AHNAK2: variants seen among roughly 807,000 people sequenced by gnomAD.
AHNAK2 encodes the protein AHNAK nucleoprotein 2.
AHNAK2 carries 18 observed loss-of-function variants against 30.7 expected under a neutral mutation model. That is an observed-to-expected ratio of 0.59 (90% CI 0.41 to 0.87). AHNAK2 has a LOEUF of 0.87. Ranked by LOEUF, AHNAK2 falls within the 40% of genes least tolerant of loss-of-function variation. The pLI is 0.00. For synonymous variants in AHNAK2, 3,590 were observed against 3,073.8 expected, an observed-to-expected ratio of 1.17 and a Z score of -5.56; for missense variants, 8,604 against 7,373.0, an observed-to-expected ratio of 1.17 and a Z score of -6.11.
rs532552317 is a variant in AHNAK2 at position 104,953,362 on chromosome 14, A to T, written c.2089T>A (p.Ser697Thr). 35 of 1,613,588 alleles carry T rather than the reference A, an allele frequency of 2.2e-5. No homozygotes were observed. In the African/African-American group the frequency reaches 4.3e-4, roughly 20 times the overall value. Residue 697 changes from serine (S) to threonine (T), a missense_variant, in exon 7 of 7, where the codon TCG becomes ACG. Coordinates refer to ENST00000333244, the MANE Select transcript of AHNAK2 (RefSeq NM_138420.4). ...ASAPGKSMEA[S>T]VDVSAPKVEA... ...ACCTTCGGCGCAGACACATCCACCG[A>T]GGCCTCCATGGACTTGCCTGGGGCT...
rs1299550813 is a variant in AHNAK2, at chr14:104,952,222, G to A, written c.3229C>T (p.Leu1077Phe). The change falls in exon 7 of 7, where the codon CTT becomes TTT. Residue 1077 changes from leucine to phenylalanine, a missense_variant. Transcript: ENST00000333244. ...TCCACCTTGGGCAAGTGCCCTTTAAGGCCAGCTCCCTCGGGCAGGTGGCCC... is the reference window on the plus strand; with the variant it reads ...TCCACCTTGGGCAAGTGCCCTTTAAAGCCAGCTCCCTCGGGCAGGTGGCCC... ...PEGHLPEGAGLKGHLPKVEMP... is the reference protein window; with the variant it reads ...PEGHLPEGAGFKGHLPKVEMP... The A allele has an allele frequency of 1.4e-5, 22 of 1,612,174 alleles. No homozygotes were observed. Among genetic ancestry groups the A allele is most frequent in the Middle Eastern group, 3.3e-4 (2 of 6,056 alleles).
At position 104,952,368 on chromosome 14, in the gene AHNAK2, A is replaced by C; in HGVS notation, c.3083T>G (p.Val1028Gly). ...KALVDVSAPK[V>G]EADLSLPSMQ... The stretch of plus-strand genomic sequence containing the variant: ...GGAGGGGAGACTCAGGTCGGCCTCC[A>C]CCTTGGGTGCAGACACATCCACCAA... The change falls in exon 7 of 7, where the codon GTG becomes GGG. Residue 1028 changes from valine (V) to glycine (G), a missense_variant. Transcript: ENST00000333244. The C allele has an allele frequency of 1.2e-6, 2 of 1,612,492 alleles. No homozygotes were observed. Among genetic ancestry groups the C allele is most frequent in the East Asian group, 2.2e-5 (1 of 44,776 alleles).
rs1355262897 is a variant in AHNAK2, at chr14:104,943,389, G to A, written c.12062C>T (p.Pro4021Leu). 1 of 1,612,968 alleles carries A rather than the reference G, an allele frequency of 6.2e-7. No individual in the cohort carries two copies. The highest frequency in any genetic ancestry group is 1.1e-5 in the South Asian group (1 of 91,038). ...LKATDLSVQP[P>L]SADLEVQAGQ... ...AGCCTGGACCTCCAGGTCAGCGGAA[G>A]GGGGCTGAACGCTGAGGTCAGTGGC... The change falls in exon 7 of 7, where the codon CCT becomes CTT. Residue 4021 changes from proline to leucine, a missense_variant. Pro to Leu is a moderately conservative substitution (Grantham distance 98). Transcript: ENST00000333244.
At chr14:104,960,595 C>A (rs999613724) in intron 1 of AHNAK2, among the ~76,000 whole-genome samples, 2 of 152,108 alleles carry the variant, frequency 1.3e-5, no homozygotes, top group Admixed American at 6.5e-5. Flanking sequence ...ACCAAAGTTT[C>A]TATAATTTAC....
At position 104,941,462 on chromosome 14, in the gene AHNAK2, G is replaced by A. The variant is rs1383816095; in HGVS notation, c.13989C>T (p.Ser4663=). The stretch of plus-strand genomic sequence containing the variant: ...CAACAGATTCCACAATGGGAAATGT[G>A]GAAGTCTTCTCATGGAATGTAACAT... The part of the protein sequence containing the change: ...EGNVTFHEKT[S]TFPIVESVVH... The change falls in exon 7 of 7, where the codon TCC becomes TCT. Residue 4663 remains serine, a synonymous_variant. Transcript: ENST00000333244. 8.1e-6 allele frequency: 13 copies of A among 1,612,430 alleles called. No homozygotes were observed. Among genetic ancestry groups the A allele is most frequent in the African/African-American group, 5.3e-5 (4 of 74,920 alleles).
chr14:104,947,473 C>A lies in AHNAK2; in HGVS notation c.7978G>T (p.Val2660Leu), dbSNP rs1266617052. The change falls in exon 7 of 7, where the codon GTG (valine) becomes TTG (leucine). Residue 2660 changes from valine to leucine, a missense_variant. Transcript: ENST00000333244. ...MPKFKMPSFR[V>L]SAPGESIEAL... ...TCGATGGACTCGCCTGGGGCCGACACCCTGAATGATGGCATCTTGAACTTG... is the reference window on the plus strand; with the variant it reads ...TCGATGGACTCGCCTGGGGCCGACAACCTGAATGATGGCATCTTGAACTTG... The A allele has an allele frequency of 4.3e-6, 7 of 1,612,684 alleles. No individual in the cohort carries two copies. The South Asian group carries it at 4.4e-5, about 10-fold the overall frequency.
At chr14:104,957,377 G>A in intron 3 of AHNAK2, 33 bp downstream of exon 3, 1 of 1,541,126 alleles carries the variant, frequency 6.5e-7, no homozygotes. Flanking sequence ...GAGGAGACCT[G>A]GGTGCCTGTG....
In AHNAK2 at chr14:104,945,538, C is replaced by G. The variant is rs748005607; in HGVS notation, c.9913G>C (p.Asp3305His). 2.1e-5 allele frequency: 34 copies of G among 1,612,518 alleles called. No homozygotes were observed. The highest frequency in any genetic ancestry group is 2.7e-5 in the Non-Finnish European group (32 of 1,179,444). ...SLADKDVTAK[D>H]SKFKMPKFKM... ...AATTTGGGCATTTTGAACTTGCTGT[C>G]TTTGGCAGTCACATCCTTGTCGGCC... The change falls in exon 7 of 7, where the codon GAC (aspartate) becomes CAC (histidine). Residue 3305 changes from aspartate to histidine, a missense_variant. By Grantham distance (81) the Asp-to-His change is moderately conservative. Transcript: ENST00000333244.
Position 104,951,235 on chromosome 14 carries a change from C to A in AHNAK2, c.4216G>T (p.Gly1406Cys). 1 of 1,061,344 alleles carries A rather than the reference C, an allele frequency of 9.4e-7. No individual in the cohort carries two copies. The allele number at this position is 1,061,344 out of a possible 1,614,324, so 65.7% of individuals were successfully genotyped here. A position where few individuals can be genotyped will look rare whatever the true frequency, so the allele number is the denominator to read the frequency against. ...AGCTTGGGCAGGTGCCCTTTGAGGC[C>A]GGCTCCCTCGGGCACGGGGCCCTCT... ...LPEGPVPEGA[G>C]LKGHLPKLQM... is the part of the protein sequence containing the mutation. Residue 1406 changes from glycine (G) to cysteine (C), a missense_variant, in exon 7 of 7, where the codon GGC (glycine) becomes TGC (cysteine). Gly to Cys is a radical substitution (Grantham distance 159, BLOSUM62 -3). Transcript: ENST00000333244.
chr14:104,947,906 G>C lies in AHNAK2; in HGVS notation c.7545C>G (p.Ala2515=), dbSNP rs202034000. ...SVDVSAPKVE[A]DGSLSSMQGD... is the part of the protein sequence containing the mutation. ...CCTGCATGGAGGAGAGGCTCCCGTC[G>C]GCCTCCACCTTCGGCGCAGACACAT... The change falls in exon 7 of 7, where the codon GCC becomes GCG. Residue 2515 remains alanine (A), a synonymous_variant. Coordinates refer to ENST00000333244, the MANE Select transcript of AHNAK2 (RefSeq NM_138420.4). 3.1e-6 allele frequency: 5 copies of C among 1,612,134 alleles called. No individual in the cohort carries two copies. Among genetic ancestry groups the C allele is most frequent in the African/African-American group, 1.3e-5 (1 of 74,108 alleles).
At position 104,948,027 on chromosome 14, in the gene AHNAK2, T is replaced by C. The variant is rs755291304; in HGVS notation, c.7424A>G (p.Asp2475Gly). ...GAACCTGCTGTCTTTGGTAGTCACATCCTTGTCCGCCACAGACAGGTCCCC... is the reference window on the plus strand; with the variant it reads ...GAACCTGCTGTCTTTGGTAGTCACACCCTTGTCCGCCACAGACAGGTCCCC... ...LEGDLSVADK[D>G]VTTKDSRFKI... Residue 2475 changes from aspartate to glycine, a missense_variant, in exon 7 of 7, where the codon GAT becomes GGT. Physicochemically the swap from Asp to Gly is moderately conservative, Grantham distance 94. Coordinates refer to ENST00000333244, the MANE Select transcript of AHNAK2 (RefSeq NM_138420.4). The C allele has an allele frequency of 3.7e-6, 6 of 1,608,718 alleles. No homozygotes were observed. The African/African-American group carries it at 5.5e-5, about 15-fold the overall frequency.
Position 104,955,620 on chromosome 14 carries a change from G to T in AHNAK2, c.329C>A (p.Ala110Glu), listed in dbSNP as rs1367087303. 2 of 1,613,478 alleles carry T rather than the reference G, an allele frequency of 1.2e-6. No homozygotes were observed. The highest frequency in any genetic ancestry group is 4.5e-5 in the East Asian group (2 of 44,884). Residue 110 changes from alanine to glutamate, a missense_variant, in exon 5 of 7, where the codon GCA (alanine) becomes GAA (glutamate). Transcript: ENST00000333244. The stretch of plus-strand genomic sequence containing the variant: ...CTCTGTCTTCAGCGTCACCTCTGTT[G>T]CCTCCTGGACAGCCTGGAGCAGAAG... ...RMSRPEAVQE[A>E]TEVTLKTEVE...
At chr14:104,971,797 A>C (rs1899479501) in intron 1 of AHNAK2, among the ~76,000 whole-genome samples, 1 of 152,210 alleles carries the variant, frequency 6.6e-6, no homozygotes, top group Non-Finnish European at 1.5e-5. Flanking sequence ...CTGGGATCCC[A>C]GTGTGCCAGC....
At position 104,951,531 on chromosome 14, in the gene AHNAK2, C is replaced by T. The variant is rs562385862; in HGVS notation, c.3920G>A (p.Gly1307Asp). The T allele has an allele frequency of 9.1e-5, 113 of 1,248,092 alleles. 38 individuals carry two copies. The highest frequency in any genetic ancestry group is 7.6e-4 in the Admixed American group (41 of 53,712). The allele number at this position is 1,248,092 out of a possible 1,614,324, so 77.3% of individuals were successfully genotyped here. The part of the protein sequence containing the change: ...DMQAPGAKLD[G>D]AQLDGDLSLA... ...GGACAGGTCCCCGTCCAGCTGTGCG[C>T]CATCCAACTTGGCTCCCGGGGCCTG... The change falls in exon 7 of 7, where the codon GGC becomes GAC. Residue 1307 changes from glycine (G) to aspartate (D), a missense_variant. Physicochemically the swap from Gly to Asp is moderately conservative, Grantham distance 94. Coordinates refer to ENST00000333244, the MANE Select transcript of AHNAK2 (RefSeq NM_138420.4).
At position 104,948,134 on chromosome 14, in the gene AHNAK2, G is replaced by T. The variant is rs745940103; in HGVS notation, c.7317C>A (p.Ala2439=). 1.2e-6 allele frequency: 2 copies of T among 1,612,230 alleles called. No homozygotes were observed. Among genetic ancestry groups the T allele is most frequent in the Admixed American group, 1.7e-5 (1 of 59,854 alleles). Residue 2439 remains alanine, a synonymous_variant, in exon 7 of 7, where the codon GCC becomes GCA. Transcript: ENST00000333244. Reference sequence around the variant, plus strand: ...TGGGCTGAGACACCTCCACGTCGGGGGCCATCACGTCCGTCTTGGGGCCTT... The same window carrying T: ...TGGGCTGAGACACCTCCACGTCGGGTGCCATCACGTCCGTCTTGGGGCCTT... ...DLKGPKTDVM[A]PDVEVSQPSV... is the part of the protein sequence containing the mutation.
Position 104,938,243 on chromosome 14 carries a change from G to A in AHNAK2, c.17208C>T (p.Ala5736=). 1 of 1,613,744 alleles carries A rather than the reference G, an allele frequency of 6.2e-7. No homozygotes were observed. Residue 5736 remains alanine, a synonymous_variant, in exon 7 of 7, where the codon GCC becomes GCT. Coordinates refer to ENST00000333244, the MANE Select transcript of AHNAK2 (RefSeq NM_138420.4). ...LQEETITFFD[A]RESFSPEEKE... The stretch of plus-strand genomic sequence containing the variant: ...TCTCTTCAGGGGAGAAACTTTCTCG[G>A]GCATCAAAAAACGTGATTGTTTCTT...
chr14:104,953,834 C>T lies in AHNAK2; in HGVS notation c.1617G>A (p.Pro539=), dbSNP rs114265418. 1.5e-5 allele frequency: 24 copies of T among 1,613,952 alleles called. No individual in the cohort carries two copies. In the East Asian group the frequency reaches 1.6e-4, roughly 10 times the overall value. ...CTGCATGTGTGGTTGGTTCCCTGCC[C>T]GGCATCCACCCGGCTCCTTCCACCT... ...GEEVEGAGWM[P]GREPTTHAEA... is the part of the protein sequence containing the mutation. Residue 539 remains proline, a synonymous_variant, in exon 7 of 7, where the codon CCG becomes CCA. Transcript: ENST00000333244.
intron 1 of AHNAK2, among the ~76,000 whole-genome samples, chr14:104,976,263 G>A (rs1899588910): frequency 1.3e-5 from 2 of 152,302 alleles, no homozygotes; most frequent in African/African-American, 4.8e-5. Flanking sequence ...CGCTGCGTGG[G>A]GTGGTCCCAG....
intron 3 of AHNAK2, 46 bp from the exon 4 acceptor site, chr14:104,956,735 G>C (rs781046446): frequency 5.0e-6 from 8 of 1,585,052 alleles, no homozygotes; most frequent in Non-Finnish European, 6.9e-6. Flanking sequence ...CCAGCTCAGG[G>C]ACAGGGAGGG....
Sources: gnomAD v4.1 joint callset for allele counts (sites outside exome capture counted in the v4.1 genomes callset) on GRCh38, gnomAD v4.1.1 for gene constraint, MANE v1.5 for transcripts, NCBI Gene and HGNC (gene_info 2026-07-23, HGNC 2026-07-21) for gene names.